HMGA2: variants seen among roughly 807,000 people sequenced by gnomAD.
HMGA2 encodes high mobility group AT-hook 2, also known as high mobility group protein HMGI-C.
Under a neutral mutation model 19.1 loss-of-function variants are expected in HMGA2, and 8 were observed. That is an observed-to-expected ratio of 0.42 (90% CI 0.25 to 0.76). The LOEUF is 0.76. Among genes scored for constraint, HMGA2 ranks in the 30% least tolerant of loss-of-function variants. The pLI, the probability that HMGA2 is intolerant of heterozygous loss-of-function variation, is 0.28. For missense variants in HMGA2, 109 were observed against 136.3 expected (o/e 0.80, Z 1.00); for synonymous variants, 60 against 48.8 (o/e 1.23, Z -0.96).
chr12:65,876,559 A>T (rs999510031), intron 3 of HMGA2, among the ~76,000 whole-genome samples: 1 of 152,200 alleles, frequency 6.6e-6, no homozygotes, highest in African/African-American at 2.4e-5. Flanking sequence ...CCAGAAAGAG[A>T]TTCTAATTTG....
At chr12:65,936,640 C>T (rs1015743630) in intron 3 of HMGA2, among the ~76,000 whole-genome samples, 1 of 152,146 alleles carries the variant, frequency 6.6e-6, no homozygotes, top group Non-Finnish European at 1.5e-5. Context: ...ACCACTGCTG[C>T]TACGGTGACT....
chr12:65,930,059 CA>C (rs1169569556), intron 3 of HMGA2, among the ~76,000 whole-genome samples: 1 of 152,150 alleles, frequency 6.6e-6, no homozygotes, highest in Non-Finnish European at 1.5e-5. Context: ...CTGCCTATTT[CA>C]GAGTAGAATA....
At chr12:65,962,699 G>A (rs1337438225) in intron 4 of HMGA2, among the ~76,000 whole-genome samples, 4 of 152,204 alleles carry the variant, frequency 2.6e-5, no homozygotes, top group East Asian at 1.9e-4. Flanking sequence ...GTAATTTTGG[G>A]CACATTACTT....
intron 3 of HMGA2, among the ~76,000 whole-genome samples, chr12:65,928,542 C>A (rs1460123): frequency 0.28 from 43,230 of 152,054 alleles, 6,803 homozygotes; most frequent in African/African-American, 0.4. Flanking sequence ...TACTTTATAA[C>A]CTTTAAATTT....
intron 3 of HMGA2, among the ~76,000 whole-genome samples, chr12:65,896,898 C>G (rs1236946852): frequency 6.6e-6 from 1 of 152,176 alleles, no homozygotes; most frequent in Non-Finnish European, 1.5e-5. Flanking sequence ...AAGAATTCAA[C>G]TTCATGTGGC....
intron 3 of HMGA2, among the ~76,000 whole-genome samples, chr12:65,909,396 T>A (rs77496402): frequency 0.014 from 2,085 of 152,314 alleles, 47 homozygotes; most frequent in African/African-American, 0.048. Flanking sequence ...TCTGATTTAT[T>A]CCTGTAATGT....
chr12:65,903,499 T>C (rs77255537), intron 3 of HMGA2, among the ~76,000 whole-genome samples: 6,522 of 152,182 alleles, frequency 0.043, 383 homozygotes, highest in South Asian at 0.25. Context: ...CCAAAAAGAC[T>C]GTAGTCACAA....
chr12:65,878,775 G>T (rs1873194742), intron 3 of HMGA2, among the ~76,000 whole-genome samples: 2 of 152,180 alleles, frequency 1.3e-5, no homozygotes, highest in South Asian at 4.1e-4. Context: ...GACTTGCAAG[G>T]AATGCAGGTG....
At chr12:65,865,356 G>A (rs1299687392) in intron 3 of HMGA2, among the ~76,000 whole-genome samples, 1 of 152,064 alleles carries the variant, frequency 6.6e-6, no homozygotes, top group Admixed American at 6.6e-5. Flanking sequence ...TTGTATTTTT[G>A]TCTGATTTCA....
intron 4 of HMGA2, among the ~76,000 whole-genome samples, chr12:65,959,331 A>T (rs1023283366): frequency 6.6e-6 from 1 of 152,264 alleles, no homozygotes; most frequent in African/African-American, 2.4e-5. Flanking sequence ...TAGCTAAAAC[A>T]ATGAGTTACA....
At chr12:65,864,159 A>G (rs1872260929) in intron 3 of HMGA2, among the ~76,000 whole-genome samples, 1 of 152,170 alleles carries the variant, frequency 6.6e-6, no homozygotes, top group South Asian at 2.1e-4. Flanking sequence ...ATCCATAGTA[A>G]CTAAGTAGGG....
chr12:65,872,123 T>C (rs1180394133), intron 3 of HMGA2, among the ~76,000 whole-genome samples: 1 of 152,186 alleles, frequency 6.6e-6, no homozygotes, highest in Non-Finnish European at 1.5e-5. Context: ...ACTTGGCTTC[T>C]GCCCCCTTCA....
At chr12:65,963,113 G>T in intron 4 of HMGA2, 132 bp from the exon 5 acceptor site, 2 of 784,036 alleles carry the variant, frequency 2.6e-6, no homozygotes, top group Non-Finnish European at 4.3e-6. Flanking sequence ...ATGAGGGCTC[G>T]CCAGTCATCG....
At chr12:65,850,875 T>G (rs893120675) in intron 3 of HMGA2, among the ~76,000 whole-genome samples, 13 of 152,186 alleles carry the variant, frequency 8.5e-5, no homozygotes, top group African/African-American at 2.9e-4. Context: ...TTGACAGTGG[T>G]GTACAAGTTT....
chr12:65,960,607 G>A (rs1036761931), intron 4 of HMGA2, among the ~76,000 whole-genome samples: 5 of 152,186 alleles, frequency 3.3e-5, no homozygotes, highest in African/African-American at 9.6e-5. Flanking sequence ...ATGCCAAGAA[G>A]AGAGAGCTCT....
At chr12:65,901,730 A>G (rs1187091000) in intron 3 of HMGA2, among the ~76,000 whole-genome samples, 1 of 152,144 alleles carries the variant, frequency 6.6e-6, no homozygotes, top group Non-Finnish European at 1.5e-5. Context: ...TCTCCCAGAG[A>G]TCCTGACGTT....
intron 3 of HMGA2, chr12:65,935,049 G>T (rs1200561845): frequency 6.6e-6 from 1 of 152,208 alleles, no homozygotes; most frequent in Non-Finnish European, 1.5e-5. Context: ...AGCTCAAAGG[G>T]AGGTTTTCTT....
At chr12:65,932,507 A>G (rs1353701409) in intron 3 of HMGA2, among the ~76,000 whole-genome samples, 1 of 152,262 alleles carries the variant, frequency 6.6e-6, no homozygotes, top group Non-Finnish European at 1.5e-5. Context: ...AAGGCACTCA[A>G]TGAATGTATG....
intron 3 of HMGA2, among the ~76,000 whole-genome samples, chr12:65,909,731 A>G (rs1042510335): frequency 4.6e-5 from 7 of 152,246 alleles, no homozygotes; most frequent in Non-Finnish European, 8.8e-5. Flanking sequence ...TAGGAGTAGC[A>G]CATCCACGGG....
Sources: allele counts gnomAD v4.1 joint callset (sites outside exome capture counted in the v4.1 genomes callset), GRCh38; gene constraint gnomAD v4.1.1; transcripts MANE v1.5; gene names NCBI Gene and HGNC (gene_info 2026-07-23, HGNC 2026-07-21).